Variants in GMPPA observed in about 807,000 individuals in gnomAD.
The protein encoded by GMPPA is mannose-1-phosphate guanylyltransferase regulatory subunit alpha.
GMPPA carries 46 observed loss-of-function variants against 58.6 expected under a neutral mutation model. The observed-to-expected ratio is 0.78, with a 90% CI of 0.62 to 1.00. The LOEUF (loss-of-function observed/expected upper bound fraction) is 1.00, where lower values mean the gene tolerates loss of function less well. Ranked by LOEUF, GMPPA falls within the 50% of genes least tolerant of loss-of-function variation. GMPPA has a pLI of 0.00. For missense variants in GMPPA, 468 were observed against 556.4 expected, an observed-to-expected ratio of 0.84 and a Z score of 1.60; for synonymous variants, 211 against 214.9, an observed-to-expected ratio of 0.98 and a Z score of 0.16.
At chr2:219,500,085 C>T (rs1332502298) in intron 2 of GMPPA, 36 bp from the exon 3 acceptor site, 5 of 1,595,416 alleles carry the variant, frequency 3.1e-6, no homozygotes, top group Non-Finnish European at 4.3e-6. Context: ...CAGAGGAAGG[C>T]AGGAGGCCGA....
intron 12 of GMPPA, 115 bp downstream of exon 12, chr2:219,506,537 C>A: frequency 2.6e-6 from 3 of 1,147,364 alleles, no homozygotes; most frequent in Non-Finnish European, 3.7e-6. Context: ...AAACAGTTAC[C>A]AAGGGCCTGC....
intron 7 of GMPPA, 141 bp from the exon 8 acceptor site, chr2:219,505,087 A>T: frequency 9.9e-7 from 1 of 1,009,748 alleles, no homozygotes; most frequent in Non-Finnish European, 1.4e-6. Flanking sequence ...GCCACATCCC[A>T]GAGAGGGCCG....
intron 10 of GMPPA, 69 bp downstream of exon 10, chr2:219,505,830 C>A: frequency 7.5e-7 from 1 of 1,327,296 alleles, no homozygotes. Context: ...CCCACGCTGC[C>A]TGAGTTCTGG....
At chr2:219,504,908 G>A (rs1205810453) in intron 7 of GMPPA, 1 of 1,156,370 alleles carries the variant, frequency 8.6e-7, no homozygotes, top group Non-Finnish European at 1.1e-6. Flanking sequence ...ATGAGGGGGA[G>A]GGTAACTTGG....
chr2:219,505,337 A>G lies in GMPPA; in HGVS notation c.730A>G (p.Ile244Val), dbSNP rs1694540977. 1 of 1,613,842 alleles carries G rather than the reference A, an allele frequency of 6.2e-7. No individual in the cohort carries two copies. The highest frequency in any genetic ancestry group is 1.3e-5 in the African/African-American group (1 of 74,920). Residue 244 changes from isoleucine (I) to valine (V), a missense_variant, in exon 8 of 13, where the codon ATC becomes GTC. By Grantham distance (29) the Ile-to-Val change is conservative. Transcript: ENST00000313597. ...GATATACGTGCATCTCACTGATGGT[A>G]TCTGGAGTCAGATCAAGTCCGCAGG... Reference protein sequence around the residue: ...GQIYVHLTDGIWSQIKSAGSA... With the variant: ...GQIYVHLTDGVWSQIKSAGSA...
rs965095870 is a variant in GMPPA, at chr2:219,502,253, C to T, written c.430-129C>T. The stretch of plus-strand genomic sequence containing the variant: ...GAGGGGGAGGGCAGCTGTCAGTTTC[C>T]ACCCTTGCTGAAGGCCTGTCAGTGG... On this transcript the variant is annotated intron_variant, in intron 5 of 12. Coordinates refer to ENST00000313597, the MANE Select transcript of GMPPA (RefSeq NM_013335.4). This position sits in a 1 kb window ranked among gnomAD's most constrained non-coding sequence, Gnocchi z 4.0. 34 of 923,004 alleles carry T rather than the reference C, an allele frequency of 3.7e-5. No homozygotes were observed. The South Asian group carries it at 4.9e-4, about 13-fold the overall frequency. The allele number at this position is 923,004 out of a possible 1,614,324, so 57.2% of individuals were successfully genotyped here.
chr2:219,502,464 G>T lies in GMPPA; in HGVS notation c.489+23G>T. ...GAGGTGAGAGCAGAGTGGGGGCTGG[G>T]TGGGTGCCTACTCTGTGTCATCATC... On this transcript the variant is annotated intron_variant, in intron 6 of 12. Coordinates refer to ENST00000313597, the MANE Select transcript of GMPPA (RefSeq NM_013335.4). This position sits in a 1 kb window ranked among gnomAD's most constrained non-coding sequence, Gnocchi z 4.0. 2 of 1,598,718 alleles carry T rather than the reference G, an allele frequency of 1.3e-6. No individual in the cohort carries two copies. The highest frequency in any genetic ancestry group is 1.7e-6 in the Non-Finnish European group (2 of 1,166,358).
In GMPPA at chr2:219,502,612, AG is replaced by A. The variant is rs1292026271; in HGVS notation, c.489+178del. ...CCTTTAAGAGAGATTGACCAGGGGG[AG>A]GGGGGGAATGGTTAATTTCCCTGGG... is the stretch of plus-strand genomic sequence containing the variant. On this transcript the variant is annotated intron_variant, in intron 6 of 12. Transcript: ENST00000313597. This position sits in a 1 kb window ranked among gnomAD's most constrained non-coding sequence, Gnocchi z 4.0. 2.9e-5 allele frequency among the ~76,000 whole-genome samples: 4 copies of A among 139,714 alleles called. No homozygotes were observed. The highest frequency in any genetic ancestry group is 2.2e-4 in the East Asian group (1 of 4,538). The allele number at this position is 139,714 out of a possible 152,430, so 91.7% of individuals were successfully genotyped here. A position where few individuals can be genotyped will look rare whatever the true frequency, so the allele number is the denominator to read the frequency against.
In GMPPA at chr2:219,506,768, C is replaced by T. The variant is rs1413248675; in HGVS notation, c.1233C>T (p.Ser411=). The part of the protein sequence containing the change: ...NSIVLPHKEL[S]RSFTNQIIL Reference sequence around the variant, plus strand: ...TTGTTCTGCCACACAAGGAGCTGAGCCGAAGCTTCACCAACCAGATCATCC... The same window carrying T: ...TTGTTCTGCCACACAAGGAGCTGAGTCGAAGCTTCACCAACCAGATCATCC... Residue 411 remains serine, a synonymous_variant, in exon 13 of 13, where the codon AGC becomes AGT. Coordinates refer to ENST00000313597, the MANE Select transcript of GMPPA (RefSeq NM_013335.4). 1.3e-6 allele frequency: 2 copies of T among 1,592,180 alleles called. No homozygotes were observed. Among genetic ancestry groups the T allele is most frequent in the Non-Finnish European group, 1.7e-6 (2 of 1,160,224 alleles).
At chr2:219,503,702 G>A (rs1034165571) in intron 6 of GMPPA, among the ~76,000 whole-genome samples, 3 of 152,176 alleles carry the variant, frequency 2.0e-5, no homozygotes, top group African/African-American at 4.8e-5. Context: ...CAGCTAACTC[G>A]GGCCAGCAAG....
In GMPPA at chr2:219,505,737, C is replaced by T. The variant is rs371527019; in HGVS notation, c.876C>T (p.Thr292=). ...TAGGGAATGTGTACATCCACCCGAC[C>T]GCCAAGGTGGCCCCCTCGGCTGTGG... ...WIRGNVYIHP[T]AKVAPSAVLG... is the part of the protein sequence containing the mutation. Residue 292 remains threonine (T), a synonymous_variant, in exon 10 of 13, where the codon ACC becomes ACT. Coordinates refer to ENST00000313597, the MANE Select transcript of GMPPA (RefSeq NM_013335.4). 60 of 1,610,348 alleles carry T rather than the reference C, an allele frequency of 3.7e-5. No homozygotes were observed. Among genetic ancestry groups the T allele is most frequent in the South Asian group, 3.0e-4 (27 of 91,028 alleles).
At chr2:219,505,607 A>G in intron 9 of GMPPA, 52 bp downstream of exon 9, 1 of 1,576,384 alleles carries the variant, frequency 6.3e-7, no homozygotes, top group Non-Finnish European at 8.7e-7. Context: ...CAGCCCTCTG[A>G]ACCAGGATTC....
chr2:219,499,547 T>G (rs1467958467), intron 1 of GMPPA, among the ~76,000 whole-genome samples: 4 of 152,236 alleles, frequency 2.6e-5, no homozygotes, highest in African/African-American at 9.6e-5. Flanking sequence ...AATTTGTTCA[T>G]GGCCAGAGGG....
intron 3 of GMPPA, chr2:219,501,178 G>T (rs977380182): frequency 1.2e-5 from 4 of 322,912 alleles, no homozygotes; most frequent in African/African-American, 2.1e-5. Flanking sequence ...TGGGAGGATC[G>T]CTTGAGCCCA....
chr2:219,506,170 C>A, intron 11 of GMPPA, 84 bp from the exon 12 acceptor site: 3 of 1,487,592 alleles, frequency 2.0e-6, no homozygotes, highest in Non-Finnish European at 1.8e-6. Context: ...ACGCCGTGGG[C>A]TCTGCATCTG....
At chr2:219,504,411 T>G in intron 7 of GMPPA, 198 bp downstream of exon 7, 3 of 590,366 alleles carry the variant, frequency 5.1e-6, no homozygotes, top group Non-Finnish European at 6.0e-6. Flanking sequence ...TCCATCCCAG[T>G]TCCTCCTCTG....
At position 219,505,803 on chromosome 2, in the gene GMPPA, C is replaced by G. The variant is rs371738383; in HGVS notation, c.900+42C>G. 2.2e-5 allele frequency: 33 copies of G among 1,498,956 alleles called. 1 individual carries two copies. The highest frequency in any genetic ancestry group is 3.5e-4 in the Middle Eastern group (2 of 5,700). 92.9% of individuals were successfully genotyped at this position (1,498,956 alleles called of 1,614,324 possible). On this transcript the variant is annotated intron_variant, in intron 10 of 12. Transcript: ENST00000313597. ...GCCCCAGGGAGGGAAGGGTGGTGGT[C>G]GGATGGATGGAGGGTGCCCACGCTG...
chr2:219,500,442 A>G, intron 3 of GMPPA: 2 of 577,262 alleles, frequency 3.5e-6, no homozygotes, highest in South Asian at 2.1e-5. Flanking sequence ...TTTCACTCCT[A>G]TTTTTAAAGT....
At chr2:219,499,251 A>G (rs1694304011) in intron 1 of GMPPA, 1 of 152,390 alleles carries the variant, frequency 6.6e-6, no homozygotes, top group African/African-American at 2.4e-5. Flanking sequence ...TTCAACATAC[A>G]GAGGTTAGTT....
Sources: allele counts gnomAD v4.1 joint callset (sites outside exome capture counted in the v4.1 genomes callset), GRCh38; gene constraint gnomAD v4.1.1; non-coding constraint Gnocchi (gnomAD v3.1); transcripts MANE v1.5; gene names NCBI Gene and HGNC (gene_info 2026-07-23, HGNC 2026-07-21).